NBEA: variants seen among roughly 807,000 people sequenced by gnomAD.
NBEA encodes lysosomal-trafficking regulator 2.
Under a neutral mutation model 343.4 loss-of-function variants are expected in NBEA, and 44 were observed. The observed-to-expected ratio is 0.13, with a 90% confidence interval of 0.10 to 0.16. The LOEUF is 0.16. NBEA is among the 10% of genes least tolerant of loss of function. The probability of loss-of-function intolerance (pLI) is 1.00; values close to 1 mark genes in which losing one functional copy is unlikely to be tolerated. For synonymous variants in NBEA, 1,175 were observed against 1,238.7 expected (o/e 0.95, Z 1.08); for missense variants, 2,555 against 3,631.3 (o/e 0.70, Z 7.62).
At chr13:35,382,502 G>A (rs931160898) in intron 38 of NBEA, among the ~76,000 whole-genome samples, 2 of 151,994 alleles carry the variant, frequency 1.3e-5, no homozygotes, top group African/African-American at 4.8e-5. Flanking sequence ...GTTGTTTTGG[G>A]GAGTATACTG....
chr13:35,476,405 G>C (rs2075875082), intron 41 of NBEA: 2 of 1,038,144 alleles, frequency 1.9e-6, no homozygotes, highest in East Asian at 5.2e-5. Flanking sequence ...GTGAAAGACT[G>C]TCCTCCCCCC....
intron 10 of NBEA, among the ~76,000 whole-genome samples, chr13:35,080,356 ATTACT>A (rs1264447038): frequency 1.3e-5 from 2 of 152,142 alleles, no homozygotes; most frequent in East Asian, 1.9e-4. Flanking sequence ...TCATTTTGAC[ATTACT>A]TTACTGAGGA....
At chr13:35,337,206 TA>T (rs774897750) in intron 36 of NBEA, among the ~76,000 whole-genome samples, 2 of 152,070 alleles carry the variant, frequency 1.3e-5, no homozygotes, top group Non-Finnish European at 2.9e-5. Context: ...ACTTTCCAAT[TA>T]AAACACTGAG....
intron 47 of NBEA, among the ~76,000 whole-genome samples, chr13:35,604,626 A>G (rs182629757): frequency 1.2e-3 from 176 of 152,252 alleles, no homozygotes; most frequent in African/African-American, 4.1e-3. Flanking sequence ...ACTCTTTTTT[A>G]AAATTTCTAA....
chr13:35,669,509 T>C (rs983741030), intron 58 of NBEA, among the ~76,000 whole-genome samples: 2 of 152,232 alleles, frequency 1.3e-5, no homozygotes, highest in African/African-American at 4.8e-5. Context: ...TGGGAAAGGA[T>C]GTTTGGTCTG....
chr13:35,367,913 G>A (rs2041216852), intron 38 of NBEA, among the ~76,000 whole-genome samples: 1 of 151,406 alleles, frequency 6.6e-6, no homozygotes, highest in African/African-American at 2.4e-5. Context: ...ATACGAAGTG[G>A]ACAACTAACA....
intron 40 of NBEA, among the ~76,000 whole-genome samples, chr13:35,456,070 A>G (rs150842443): frequency 3.9e-4 from 60 of 152,196 alleles, no homozygotes; most frequent in African/African-American, 1.4e-3. Context: ...TAGATAGTCT[A>G]TGTGTGGTCC....
chr13:35,429,157 A>G (rs1351649359), intron 38 of NBEA, among the ~76,000 whole-genome samples: 2 of 152,190 alleles, frequency 1.3e-5, no homozygotes, highest in African/African-American at 2.4e-5. Flanking sequence ...ACCTCTCCAC[A>G]TGGTCTCCAC....
rs368849054 is a variant in NBEA, at chr13:35,555,068, C to T, written c.6888C>T (p.Asn2296=). 206 of 1,610,078 alleles carry T rather than the reference C, an allele frequency of 1.3e-4. No homozygotes were observed. Among genetic ancestry groups the T allele is most frequent in the South Asian group, 7.7e-4 (70 of 90,850 alleles). The change falls in exon 44 of 59, where the codon AAC becomes AAT. Residue 2296 remains asparagine (N), a synonymous_variant. Transcript: ENST00000379939. The part of the protein sequence containing the change: ...TQRWQRREIS[N]FEYLMFLNTI... ...GCTGGCAAAGAAGGGAAATTTCAAA[C>T]TTCGAATATTTGATGTTCCTTAATA...
At chr13:35,362,655 A>G (rs1017883848) in intron 38 of NBEA, among the ~76,000 whole-genome samples, 1 of 151,950 alleles carries the variant, frequency 6.6e-6, no homozygotes, top group East Asian at 1.9e-4. Context: ...TTTACATCAT[A>G]GATTATATTT....
chr13:35,630,019 T>G lies in NBEA; in HGVS notation c.7617+1771T>G, dbSNP rs1042762010. Among the ~76,000 whole-genome samples the G allele has an allele frequency of 3.3e-5, 5 of 152,092 alleles. No individual in the cohort carries two copies. In the East Asian group the frequency reaches 7.7e-4, roughly 23 times the overall value. On this transcript the variant is annotated intron_variant, in intron 49 of 58. Coordinates refer to ENST00000379939, the MANE Select transcript of NBEA (RefSeq NM_001385012.1). ...TATAAAGAAAGTTGCAAGTTAATCC[T>G]GTTGGGCAAAACAAATTAAATACAT... is the stretch of plus-strand genomic sequence containing the variant.
chr13:35,381,730 A>G (rs1194995719), intron 38 of NBEA, among the ~76,000 whole-genome samples: 3 of 152,056 alleles, frequency 2.0e-5, no homozygotes, highest in African/African-American at 7.2e-5. Flanking sequence ...ATAAGGAAAT[A>G]TATCTTGAGA....
At chr13:35,067,061 G>A (rs1320561269) in intron 8 of NBEA, among the ~76,000 whole-genome samples, 1 of 151,848 alleles carries the variant, frequency 6.6e-6, no homozygotes, top group African/African-American at 2.4e-5. Context: ...AGCTCTATTT[G>A]TTTTCTCTGT....
chr13:35,576,386 G>A (rs966479703), intron 45 of NBEA, among the ~76,000 whole-genome samples: 3 of 152,068 alleles, frequency 2.0e-5, no homozygotes, highest in East Asian at 3.9e-4. Flanking sequence ...CCAAAGTGCT[G>A]GGATTACAGG....
At chr13:35,215,853 GT>G (rs1457725523) in intron 33 of NBEA, among the ~76,000 whole-genome samples, 1 of 151,256 alleles carries the variant, frequency 6.6e-6, no homozygotes, top group Non-Finnish European at 1.5e-5. Flanking sequence ...TATAGATTTA[GT>G]TTTTTTAATT....
chr13:35,529,395 T>G (rs1377543291), intron 41 of NBEA, among the ~76,000 whole-genome samples: 1 of 152,244 alleles, frequency 6.6e-6, no homozygotes, highest in Non-Finnish European at 1.5e-5. Context: ...TATGCACTTG[T>G]GTACACTTAT....
chr13:35,413,068 G>A (rs1056466647), intron 38 of NBEA, among the ~76,000 whole-genome samples: 1 of 152,090 alleles, frequency 6.6e-6, no homozygotes, highest in Non-Finnish European at 1.5e-5. Flanking sequence ...TGGTAGGAAG[G>A]GAATATTACT....
rs193258859 is a variant in NBEA, at chr13:35,155,910, G to A, written c.2527+55G>A. The A allele has an allele frequency of 1.4e-3, 2,189 of 1,543,662 alleles. 2 individuals are homozygous for A. Among genetic ancestry groups the A allele is most frequent in the Non-Finnish European group, 1.9e-3 (2,092 of 1,118,602 alleles). On this transcript the variant is annotated intron_variant, in intron 19 of 58. Coordinates refer to ENST00000379939, the MANE Select transcript of NBEA (RefSeq NM_001385012.1). The stretch of plus-strand genomic sequence containing the variant: ...GTGGTAGGCGCATGGCAACATATGA[G>A]ACTAAATCAAAACTTTTCCTAACCC...
At chr13:35,664,423 C>A (rs996524697) in intron 55 of NBEA, among the ~76,000 whole-genome samples, 1 of 152,146 alleles carries the variant, frequency 6.6e-6, no homozygotes, top group Non-Finnish European at 1.5e-5. Flanking sequence ...AAAGAAAGAC[C>A]GCAAACAGAA....
Sources: gnomAD v4.1 joint callset for allele counts (sites outside exome capture counted in the v4.1 genomes callset) on GRCh38, gnomAD v4.1.1 for gene constraint, MANE v1.5 for transcripts, NCBI Gene and HGNC (gene_info 2026-07-23, HGNC 2026-07-21) for gene names.